The following PGGT1B variants were observed in gnomAD, a reference collection of about 807,000 sequenced individuals.
PGGT1B encodes protein geranylgeranyltransferase type I subunit beta.
PGGT1B carries 30 observed loss-of-function variants against 46.1 expected under a neutral mutation model. The observed-to-expected ratio is 0.65, with a 90% confidence interval of 0.49 to 0.88. The LOEUF is 0.88. Among genes scored for constraint, PGGT1B ranks in the 40% least tolerant of loss-of-function variants. PGGT1B has a pLI of 0.00. For missense variants in PGGT1B, 376 were observed against 455.9 expected, an observed-to-expected ratio of 0.82 and a Z score of 1.60; for synonymous variants, 170 against 160.0, an observed-to-expected ratio of 1.06 and a Z score of -0.47.
chr5:115,224,533 A>G (rs1359263843), intron 6 of PGGT1B, among the ~76,000 whole-genome samples: 2 of 152,154 alleles, frequency 1.3e-5, no homozygotes, highest in Non-Finnish European at 2.9e-5. Flanking sequence ...CTCTTGTTTT[A>G]CACAAATCTC....
chr5:115,257,030 C>T (rs1239645437), intron 1 of PGGT1B, among the ~76,000 whole-genome samples: 3 of 152,158 alleles, frequency 2.0e-5, no homozygotes, highest in African/African-American at 4.8e-5. Context: ...CTGTTCACCC[C>T]TCTTCTCTCA....
intron 2 of PGGT1B, among the ~76,000 whole-genome samples, chr5:115,246,289 G>T (rs1747828439): frequency 6.6e-6 from 1 of 151,582 alleles, no homozygotes; most frequent in African/African-American, 2.4e-5. Context: ...CCGGGAGGTG[G>T]AGGTTGCAGT....
chr5:115,210,264 T>C lies in PGGT1B; in HGVS notation c.*2138A>G, dbSNP rs1756183930. The C allele has an allele frequency of 6.6e-6, 1 of 152,086 alleles. No homozygotes were observed. The highest frequency in any genetic ancestry group is 6.6e-5 in the Admixed American group (1 of 15,238). The allele number at this position is 152,086 out of a possible 1,614,324, so 9.4% of individuals were successfully genotyped here. On this transcript the variant is annotated 3_prime_UTR_variant, in exon 9 of 9. Transcript: ENST00000419445. ...GAGTAGGTAACAGAGCTTTTTGAGA[T>C]TTCGGACTTCGTATTTTCCCTCATT...
Position 115,205,131 on chromosome 5 carries a change from C to T in PGGT1B, c.*7271G>A, listed in dbSNP as rs992925522. 2 of 152,190 alleles carry T rather than the reference C, an allele frequency of 1.3e-5. No individual in the cohort carries two copies. Among genetic ancestry groups the T allele is most frequent in the African/African-American group, 4.8e-5 (2 of 41,460 alleles). The allele number at this position is 152,190 out of a possible 1,614,324, so 9.4% of individuals were successfully genotyped here. ...AAGCTCTACCAAACTCCTTGACTTG[C>T]TCATGTAGAATTAAATGAGAGGGAA... On this transcript the variant is annotated 3_prime_UTR_variant, in exon 9 of 9. Coordinates refer to ENST00000419445, the MANE Select transcript of PGGT1B (RefSeq NM_005023.4).
chr5:115,262,425 G>C (rs1019798467), intron 1 of PGGT1B: 2 of 423,694 alleles, frequency 4.7e-6, no homozygotes, highest in African/African-American at 4.0e-5. Flanking sequence ...GAGGCAAAGT[G>C]ACAGGCTATG....
At chr5:115,259,301 C>T (rs563396914) in intron 1 of PGGT1B, among the ~76,000 whole-genome samples, 2 of 152,276 alleles carry the variant, frequency 1.3e-5, no homozygotes, top group South Asian at 2.1e-4. Flanking sequence ...TGGGAAGGGG[C>T]CCAGGTATGT....
intron 2 of PGGT1B, among the ~76,000 whole-genome samples, chr5:115,243,913 C>A (rs1434552054): frequency 6.6e-6 from 1 of 152,070 alleles, no homozygotes; most frequent in Non-Finnish European, 1.5e-5. Context: ...TTCCATTAGA[C>A]CCTCTCTACC....
Position 115,222,052 on chromosome 5 carries a change from G to T in PGGT1B, c.659-44C>A, listed in dbSNP as rs1373878754. 4 of 1,201,918 alleles carry T rather than the reference G, an allele frequency of 3.3e-6. No individual in the cohort carries two copies. In the Admixed American group the frequency reaches 8.1e-5, roughly 24 times the overall value. 74.5% of individuals were successfully genotyped at this position (1,201,918 alleles called of 1,614,324 possible). On this transcript the variant is annotated intron_variant, in intron 6 of 8. Coordinates refer to ENST00000419445, the MANE Select transcript of PGGT1B (RefSeq NM_005023.4). ...CAACGTTTTAAACTTCAAATTAGAT[G>T]CTTATGAAAATAGTACAAAATGTTC...
chr5:115,228,012 C>A (rs1756847211), intron 6 of PGGT1B, among the ~76,000 whole-genome samples: 1 of 152,074 alleles, frequency 6.6e-6, no homozygotes, highest in Non-Finnish European at 1.5e-5. Flanking sequence ...ACTCAAAATT[C>A]CAGATTGCTG....
At chr5:115,215,743 G>A (rs1243401777) in intron 8 of PGGT1B, among the ~76,000 whole-genome samples, 1 of 152,186 alleles carries the variant, frequency 6.6e-6, no homozygotes, top group Non-Finnish European at 1.5e-5. Context: ...GTTCTGTGAT[G>A]GAAGATGAGT....
intron 2 of PGGT1B, 118 bp from the exon 3 acceptor site, chr5:115,241,724 G>A: frequency 1.6e-6 from 1 of 638,354 alleles, no homozygotes; most frequent in Non-Finnish European, 2.6e-6. Context: ...TTTCATACTG[G>A]CTAATGCTGA....
At chr5:115,224,866 G>A (rs1756717533) in intron 6 of PGGT1B, among the ~76,000 whole-genome samples, 1 of 150,046 alleles carries the variant, frequency 6.7e-6, no homozygotes, top group African/African-American at 2.4e-5. Context: ...TAGTATGTTA[G>A]AAGAGTGTTA....
chr5:115,248,915 T>C (rs534360416), intron 2 of PGGT1B, among the ~76,000 whole-genome samples: 2 of 152,310 alleles, frequency 1.3e-5, no homozygotes, highest in Admixed American at 6.5e-5. Flanking sequence ...TAGTAAATAA[T>C]GTATTGCATT....
chr5:115,239,716 G>A (rs1046431922), intron 3 of PGGT1B, among the ~76,000 whole-genome samples: 1 of 152,198 alleles, frequency 6.6e-6, no homozygotes, highest in Non-Finnish European at 1.5e-5. Flanking sequence ...GGCAGGTATA[G>A]ATGAAGAGGA....
At chr5:115,261,615 G>C (rs1030943878) in intron 1 of PGGT1B, among the ~76,000 whole-genome samples, 2 of 152,190 alleles carry the variant, frequency 1.3e-5, no homozygotes, top group African/African-American at 4.8e-5. Context: ...CCTAAGTATA[G>C]AGGTAAACAA....
intron 1 of PGGT1B, among the ~76,000 whole-genome samples, chr5:115,257,085 A>C (rs1748350537): frequency 6.6e-6 from 1 of 152,172 alleles, no homozygotes; most frequent in Non-Finnish European, 1.5e-5. Flanking sequence ...AGGATGAAAA[A>C]GTAACATCCC....
At position 115,262,759 on chromosome 5, in the gene PGGT1B, G is replaced by A; in HGVS notation, c.93C>T (p.Arg31=). 1.2e-6 allele frequency: 2 copies of A among 1,613,446 alleles called. No homozygotes were observed. The highest frequency in any genetic ancestry group is 1.7e-6 in the Non-Finnish European group (2 of 1,179,708). ...AGCGCTCCGGCAAAACCTGGAGGCA[G>A]CGCTGGAAAAATCGCACGTGCCGAT... is the stretch of plus-strand genomic sequence containing the variant. ...LRDRHVRFFQ[R]CLQVLPERYS... The change falls in exon 1 of 9, where the codon CGC becomes CGT. Residue 31 remains arginine (R), a synonymous_variant. Transcript: ENST00000419445.
intron 5 of PGGT1B, among the ~76,000 whole-genome samples, chr5:115,234,276 A>G (rs889115649): frequency 6.6e-6 from 1 of 151,840 alleles, no homozygotes; most frequent in African/African-American, 2.4e-5. Context: ...AAAAATATCC[A>G]TATCTTCTCA....
chr5:115,219,398 G>C (rs759559820), intron 7 of PGGT1B, among the ~76,000 whole-genome samples: 2 of 151,830 alleles, frequency 1.3e-5, no homozygotes, highest in African/African-American at 4.8e-5. Flanking sequence ...ATATCCACAT[G>C]TCAAAGAATG....
Sources: allele counts gnomAD v4.1 joint callset (sites outside exome capture counted in the v4.1 genomes callset), GRCh38; gene constraint gnomAD v4.1.1; transcripts MANE v1.5; gene names NCBI Gene and HGNC (gene_info 2026-07-23, HGNC 2026-07-21).